Variants in DLGAP2 observed in about 807,000 individuals in gnomAD.
The protein encoded by DLGAP2 is disks large-associated protein 2.
In DLGAP2, 26 loss-of-function variants were observed where a neutral mutation model predicts 100.3. The ratio of observed to expected loss-of-function variants is 0.26; its 90% confidence interval spans 0.19 to 0.36. The LOEUF (loss-of-function observed/expected upper bound fraction) is 0.36. Among genes scored for constraint, DLGAP2 ranks in the 10% least tolerant of loss-of-function variants. The pLI, the probability that DLGAP2 is intolerant of heterozygous loss-of-function variation, is 1.00. For synonymous variants in DLGAP2, 886 were observed against 630.1 expected (o/e 1.41, Z -6.08); for missense variants, 1,858 against 1,453.2 (o/e 1.28, Z -4.53).
At chr8:1,656,946 A>G (rs1268822841) in intron 8 of DLGAP2, among the ~76,000 whole-genome samples, 3 of 152,214 alleles carry the variant, frequency 2.0e-5, no homozygotes, top group Admixed American at 6.5e-5. Context: ...ATTGAATTAC[A>G]AAGCCCAGGT....
chr8:1,479,409 A>T (rs1174429395), intron 3 of DLGAP2, among the ~76,000 whole-genome samples: 1 of 152,216 alleles, frequency 6.6e-6, no homozygotes, highest in East Asian at 1.9e-4. Flanking sequence ...TGTCCTGGGA[A>T]GCTGGCAGGA....
chr8:1,335,642 G>A (rs1422832058), intron 3 of DLGAP2, among the ~76,000 whole-genome samples: 2 of 152,182 alleles, frequency 1.3e-5, no homozygotes, highest in Non-Finnish European at 2.9e-5. Context: ...TGACGTATGA[G>A]TAGGAGTTTG....
intron 3 of DLGAP2, among the ~76,000 whole-genome samples, chr8:1,291,614 A>G (rs1563064624): frequency 6.6e-6 from 1 of 152,136 alleles, no homozygotes; most frequent in Non-Finnish European, 1.5e-5. Context: ...CATATCTCCT[A>G]TCTTTAAAAT....
chr8:1,632,343 A>G (rs545678802), intron 7 of DLGAP2, among the ~76,000 whole-genome samples: 16 of 152,166 alleles, frequency 1.1e-4, no homozygotes, highest in African/African-American at 3.4e-4. Flanking sequence ...GTAGAAGCAG[A>G]CTCCATATTC....
At chr8:1,127,604 C>G (rs969299778) in intron 2 of DLGAP2, among the ~76,000 whole-genome samples, 1 of 152,228 alleles carries the variant, frequency 6.6e-6, no homozygotes, top group Non-Finnish European at 1.5e-5. Flanking sequence ...AGGCCAAGCA[C>G]TGAGAGGAGG....
At chr8:1,297,320 G>C (rs1800205216) in intron 3 of DLGAP2, 1 of 152,264 alleles carries the variant, frequency 6.6e-6, no homozygotes, top group Non-Finnish European at 1.5e-5. Flanking sequence ...TTTAGGATGA[G>C]AATGTTCTAG....
intron 5 of DLGAP2, among the ~76,000 whole-genome samples, chr8:1,556,864 G>A (rs1801981635): frequency 6.6e-6 from 1 of 152,312 alleles, no homozygotes; most frequent in Admixed American, 6.5e-5. Flanking sequence ...GAGCAGCATC[G>A]CGAAGATCTC....
chr8:760,199 A>G (rs1563416350), intron 1 of DLGAP2, among the ~76,000 whole-genome samples: 1 of 152,044 alleles, frequency 6.6e-6, no homozygotes, highest in East Asian at 1.9e-4. Flanking sequence ...GGCATTCCAG[A>G]GGCCCAAGGG....
intron 1 of DLGAP2, chr8:739,812 C>G (rs1424487725): frequency 6.6e-6 from 1 of 152,176 alleles, no homozygotes; most frequent in Admixed American, 6.5e-5. Context: ...TATTTTATCC[C>G]CTACATCTGG....
chr8:1,083,774 T>C (rs745635020), intron 2 of DLGAP2, among the ~76,000 whole-genome samples: 1 of 152,170 alleles, frequency 6.6e-6, no homozygotes, highest in Non-Finnish European at 1.5e-5. Context: ...CAACGAGTTA[T>C]ATAAGTTAGA....
intron 1 of DLGAP2, among the ~76,000 whole-genome samples, chr8:771,386 A>G (rs1821355883): frequency 6.6e-6 from 1 of 152,194 alleles, no homozygotes; most frequent in Non-Finnish European, 1.5e-5. Flanking sequence ...TCCCTTATTA[A>G]GTAGAGAAAA....
chr8:1,331,286 A>G (rs1037782612), intron 3 of DLGAP2, among the ~76,000 whole-genome samples: 5 of 152,196 alleles, frequency 3.3e-5, no homozygotes, highest in African/African-American at 7.2e-5. Context: ...TGGAAGCCAC[A>G]GTGTCTGGGG....
At chr8:792,596 C>T (rs1384099744) in intron 1 of DLGAP2, among the ~76,000 whole-genome samples, 1 of 152,098 alleles carries the variant, frequency 6.6e-6, no homozygotes, top group Non-Finnish European at 1.5e-5. Context: ...AAGGTTCATT[C>T]GCTCAGAAAA....
At chr8:1,228,604 T>A (rs997042394) in intron 2 of DLGAP2, among the ~76,000 whole-genome samples, 1 of 152,172 alleles carries the variant, frequency 6.6e-6, no homozygotes, top group Non-Finnish European at 1.5e-5. Context: ...CCCAACTAGA[T>A]TTTTTCCAGG....
At chr8:1,405,373 A>G (rs1796555995) in intron 3 of DLGAP2, among the ~76,000 whole-genome samples, 1 of 19,166 alleles carries the variant, frequency 5.2e-5, no homozygotes, top group Admixed American at 8.4e-4. Context: ...GTGCTTACTG[A>G]GCGCCCCCTC....
At chr8:742,474 T>C (rs527895489) in intron 1 of DLGAP2, among the ~76,000 whole-genome samples, 1 of 152,326 alleles carries the variant, frequency 6.6e-6, no homozygotes, top group Admixed American at 6.5e-5. Context: ...TCCTTTTGTG[T>C]GTAACGAATG....
At position 1,586,498 on chromosome 8, in the gene DLGAP2, G is replaced by GTCATC. The variant is rs1796124540; in HGVS notation, c.1442+20604_1442+20605insTCATC. ...TCTGCTTTCAATGCTCCTGCGCTGAGAGGGGGCCTGCCTGGGTCATCAGGA... is the reference window on the plus strand; with the variant it reads ...TCTGCTTTCAATGCTCCTGCGCTGAGTCATCAGGGGGCCTGCCTGGGTCATCAGGA... On this transcript the variant is annotated intron_variant, in intron 6 of 14. Transcript: ENST00000637795. Among the ~76,000 whole-genome samples, 4 of 152,332 alleles carry GTCATC rather than the reference G, an allele frequency of 2.6e-5. No individual in the cohort carries two copies. In the East Asian group the frequency reaches 7.7e-4, roughly 29 times the overall value.
intron 2 of DLGAP2, among the ~76,000 whole-genome samples, chr8:1,241,955 T>C (rs1047378664): frequency 6.6e-6 from 1 of 152,224 alleles, no homozygotes; most frequent in African/African-American, 2.4e-5. Flanking sequence ...GATCACTGCC[T>C]CTACTGAAAC....
chr8:1,279,078 C>G (rs1480748582), intron 3 of DLGAP2, among the ~76,000 whole-genome samples: 1 of 152,168 alleles, frequency 6.6e-6, no homozygotes, highest in Non-Finnish European at 1.5e-5. Context: ...CAGAATTTTA[C>G]AAAACAAGAA....
Sources: gnomAD v4.1 joint callset for allele counts (sites outside exome capture counted in the v4.1 genomes callset) on GRCh38, gnomAD v4.1.1 for gene constraint, MANE v1.5 for transcripts, NCBI Gene and HGNC (gene_info 2026-07-23, HGNC 2026-07-21) for gene names.